CCSER1: variants seen among roughly 807,000 people sequenced by gnomAD.
CCSER1 encodes coiled-coil serine rich protein 1, also known as serine-rich coiled-coil domain-containing protein 1.
Under a neutral mutation model 82.0 loss-of-function variants are expected in CCSER1, and 41 were observed. That is an observed-to-expected ratio of 0.50 (90% CI 0.39 to 0.65). The LOEUF is 0.65. Ranked by LOEUF, CCSER1 falls within the 30% of genes least tolerant of loss-of-function variation. The pLI is 0.00. For synonymous variants in CCSER1, 414 were observed against 383.9 expected, an observed-to-expected ratio of 1.08 and a Z score of -0.92; for missense variants, 1,119 against 1,064.2, an observed-to-expected ratio of 1.05 and a Z score of -0.72.
chr4:90,946,110 A>G lies in CCSER1; in HGVS notation c.2172+22663A>G, dbSNP rs1173731897. 2.6e-5 allele frequency among the ~76,000 whole-genome samples: 4 copies of G among 152,320 alleles called. No individual in the cohort carries two copies. The South Asian group carries it at 8.3e-4, about 32-fold the overall frequency. ...AGATAACTTTTTGCCTTTGATTTTT[A>G]TAATTACAATTAAGAGTGACACTAA... On this transcript the variant is annotated intron_variant, in intron 9 of 10. Transcript: ENST00000509176.
intron 3 of CCSER1, among the ~76,000 whole-genome samples, chr4:90,396,932 C>G (rs1310967954): frequency 6.6e-6 from 1 of 152,090 alleles, no homozygotes; most frequent in Admixed American, 6.6e-5. Flanking sequence ...TCAGTGCTAG[C>G]TGTCGGCAAA....
At chr4:91,177,692 AT>A (rs1733547778) in intron 10 of CCSER1, among the ~76,000 whole-genome samples, 1 of 152,068 alleles carries the variant, frequency 6.6e-6, no homozygotes, top group South Asian at 2.1e-4. Flanking sequence ...TAATACATCT[AT>A]TTGATTCTTC....
intron 10 of CCSER1, among the ~76,000 whole-genome samples, chr4:91,444,360 T>C (rs563040599): frequency 8.4e-4 from 128 of 152,336 alleles, no homozygotes; most frequent in African/African-American, 3.0e-3. Context: ...AAATAAAATG[T>C]CTAATGATGT....
At chr4:90,140,261 A>G (rs1370223725) in intron 1 of CCSER1, among the ~76,000 whole-genome samples, 1 of 152,200 alleles carries the variant, frequency 6.6e-6, no homozygotes, top group Non-Finnish European at 1.5e-5. Context: ...GGTGTTTTGT[A>G]GTGAAACTTA....
intron 10 of CCSER1, among the ~76,000 whole-genome samples, chr4:91,588,887 C>T (rs1013282120): frequency 6.6e-6 from 1 of 151,586 alleles, no homozygotes. Flanking sequence ...TATAAAAATG[C>T]CTTTGAAGTA....
At chr4:90,153,220 A>AT (rs1332904299) in intron 1 of CCSER1, among the ~76,000 whole-genome samples, 1 of 151,748 alleles carries the variant, frequency 6.6e-6, no homozygotes, top group Admixed American at 6.6e-5. Context: ...TGAACTCATC[A>AT]TTTTTTTGTG....
intron 10 of CCSER1, among the ~76,000 whole-genome samples, chr4:91,464,420 C>T (rs141728946): frequency 0.015 from 2,209 of 152,220 alleles, 25 homozygotes; most frequent in Non-Finnish European, 0.021. Context: ...TAAAGACCAT[C>T]GATGCTAAGA....
At chr4:91,199,259 A>C (rs1735708037) in intron 10 of CCSER1, among the ~76,000 whole-genome samples, 1 of 152,156 alleles carries the variant, frequency 6.6e-6, no homozygotes, top group Non-Finnish European at 1.5e-5. Flanking sequence ...CTGAAAAAAT[A>C]ATTGAAGCTG....
At chr4:90,531,539 G>GT (rs1774533147) in intron 5 of CCSER1, among the ~76,000 whole-genome samples, 1 of 151,760 alleles carries the variant, frequency 6.6e-6, no homozygotes, top group Admixed American at 6.6e-5. Flanking sequence ...TTTTAAATCT[G>GT]TAAGAAGAGG....
chr4:90,404,343 A>T (rs961749007), intron 4 of CCSER1, among the ~76,000 whole-genome samples: 2 of 152,036 alleles, frequency 1.3e-5, no homozygotes, highest in African/African-American at 4.8e-5. Flanking sequence ...GAGCTCAGAA[A>T]TGCCTATCCC....
chr4:90,555,964 C>T (rs74679685), intron 5 of CCSER1, among the ~76,000 whole-genome samples: 3,338 of 152,154 alleles, frequency 0.022, 126 homozygotes, highest in African/African-American at 0.074. Context: ...TACCAATTGG[C>T]ATCCATAATG....
intron 8 of CCSER1, among the ~76,000 whole-genome samples, chr4:90,919,249 A>G (rs754025184): frequency 3.9e-4 from 59 of 151,908 alleles, no homozygotes; most frequent in Non-Finnish European, 6.0e-4. Flanking sequence ...TGTGATGTGG[A>G]GGCAGCAACA....
intron 5 of CCSER1, among the ~76,000 whole-genome samples, chr4:90,565,568 C>A (rs544323042): frequency 6.6e-6 from 1 of 152,178 alleles, no homozygotes; most frequent in Admixed American, 6.5e-5. Context: ...AAGTAGCGCA[C>A]CAGGCATCCT....
At chr4:91,545,753 C>T (rs1761858301) in intron 10 of CCSER1, among the ~76,000 whole-genome samples, 1 of 151,962 alleles carries the variant, frequency 6.6e-6, no homozygotes, top group South Asian at 2.1e-4. Flanking sequence ...TTTGTTTCTT[C>T]CCTCCTAGTC....
chr4:90,272,645 A>G (rs765973800), intron 1 of CCSER1, among the ~76,000 whole-genome samples: 9 of 152,204 alleles, frequency 5.9e-5, no homozygotes, highest in Admixed American at 1.3e-4. Flanking sequence ...TAGCCAAGAT[A>G]TGGAAGAAAC....
intron 6 of CCSER1, among the ~76,000 whole-genome samples, chr4:90,658,118 C>A (rs1316763265): frequency 1.3e-5 from 2 of 151,934 alleles, no homozygotes; most frequent in Admixed American, 1.3e-4. Context: ...ATAAAAACAA[C>A]AAACAACAAA....
intron 5 of CCSER1, among the ~76,000 whole-genome samples, chr4:90,492,846 T>C (rs537685010): frequency 6.6e-6 from 1 of 152,282 alleles, no homozygotes; most frequent in East Asian, 1.9e-4. Flanking sequence ...AGTTTCTTAA[T>C]CCTGAGTTCT....
At chr4:90,868,961 G>A (rs960372425) in intron 8 of CCSER1, among the ~76,000 whole-genome samples, 6 of 152,056 alleles carry the variant, frequency 3.9e-5, no homozygotes, top group Non-Finnish European at 8.8e-5. Flanking sequence ...GATCAATGAT[G>A]TTGAGCACCT....
intron 7 of CCSER1, among the ~76,000 whole-genome samples, chr4:90,764,005 TG>T (rs1750804538): frequency 6.6e-6 from 1 of 152,182 alleles, no homozygotes. Flanking sequence ...CCTAATTCCT[TG>T]CTTAAAATGA....
Sources: gnomAD v4.1 joint callset for allele counts (sites outside exome capture counted in the v4.1 genomes callset) on GRCh38, gnomAD v4.1.1 for gene constraint, MANE v1.5 for transcripts, NCBI Gene and HGNC (gene_info 2026-07-23, HGNC 2026-07-21) for gene names.